Variants in NFIB observed in about 807,000 individuals in gnomAD.
The protein encoded by NFIB is nuclear factor 1 B-type.
Under a neutral mutation model 61.5 loss-of-function variants are expected in NFIB, and 11 were observed. That is an observed-to-expected ratio of 0.18 (90% CI 0.11 to 0.30). The LOEUF (loss-of-function observed/expected upper bound fraction) is 0.30. NFIB is among the 10% of genes least tolerant of loss of function. NFIB has a pLI of 1.00. For synonymous variants in NFIB, 260 were observed against 216.5 expected (o/e 1.20, Z -1.76); for missense variants, 471 against 608.9 (o/e 0.77, Z 2.38).
At chr9:14,213,315 T>C (rs903417928) in intron 2 of NFIB, among the ~76,000 whole-genome samples, 56 of 152,048 alleles carry the variant, frequency 3.7e-4, no homozygotes, top group African/African-American at 1.4e-3. Flanking sequence ...TTTGGAAAGT[T>C]AACGCGGGCC....
the NFIB span, among the ~76,000 whole-genome samples, chr9:14,436,617 A>G: frequency 1.3e-5 from 2 of 152,156 alleles, no homozygotes; most frequent in East Asian, 3.9e-4. Flanking sequence ...AATACCTGTG[A>G]CTCACTACAA....
chr9:14,165,869 C>A (rs573843056), intron 3 of NFIB, among the ~76,000 whole-genome samples: 1 of 152,034 alleles, frequency 6.6e-6, no homozygotes, highest in African/African-American at 2.4e-5. Context: ...GAATGGAGAG[C>A]TGTTATTTAA....
At chr9:14,197,354 G>C (rs1034637319) in intron 2 of NFIB, among the ~76,000 whole-genome samples, 1 of 90,222 alleles carries the variant, frequency 1.1e-5, no homozygotes, top group Non-Finnish European at 2.2e-5. Flanking sequence ...GAATCTGATA[G>C]GATGTCCCTA....
At chr9:14,392,662 T>A (rs886206529) in intron 1 of NFIB, among the ~76,000 whole-genome samples, 4 of 152,148 alleles carry the variant, frequency 2.6e-5, no homozygotes, top group Admixed American at 1.3e-4. Context: ...AGAGGCTGCA[T>A]TGAGCTGTGA....
At chr9:14,172,971 T>C (rs2045740154) in intron 3 of NFIB, among the ~76,000 whole-genome samples, 1 of 152,172 alleles carries the variant, frequency 6.6e-6, no homozygotes, top group African/African-American at 2.4e-5. Flanking sequence ...GGTTTCACTA[T>C]GTTGGCCAGG....
chr9:14,248,875 G>A (rs2055250730), intron 2 of NFIB, among the ~76,000 whole-genome samples: 1 of 152,194 alleles, frequency 6.6e-6, no homozygotes, highest in African/African-American at 2.4e-5. Flanking sequence ...GACCCTCTTT[G>A]CCCGAGAAGT....
chr9:14,269,429 C>A (rs186999485), intron 2 of NFIB, among the ~76,000 whole-genome samples: 1 of 152,254 alleles, frequency 6.6e-6, no homozygotes, highest in South Asian at 2.1e-4. Flanking sequence ...TGCTCCCCGA[C>A]CAGGATTTAG....
At chr9:14,332,601 A>C (rs1394545070) in intron 1 of NFIB, among the ~76,000 whole-genome samples, 2 of 152,198 alleles carry the variant, frequency 1.3e-5, no homozygotes, top group South Asian at 2.1e-4. Context: ...AGTGTCCAAA[A>C]GGTGCTTTGG....
intron 6 of NFIB, among the ~76,000 whole-genome samples, chr9:14,132,140 T>C (rs1406834023): frequency 6.6e-6 from 1 of 152,182 alleles, no homozygotes; most frequent in African/African-American, 2.4e-5. Flanking sequence ...AAGCTATTAT[T>C]TTCAGCAAAC....
At chr9:14,140,205 G>C (rs546994781) in intron 6 of NFIB, among the ~76,000 whole-genome samples, 1 of 152,260 alleles carries the variant, frequency 6.6e-6, no homozygotes, top group African/African-American at 2.4e-5. Flanking sequence ...TTCCAGTATG[G>C]TTACTAAGCT....
chr9:14,265,837 A>C (rs2057155461), intron 2 of NFIB, among the ~76,000 whole-genome samples: 1 of 152,210 alleles, frequency 6.6e-6, no homozygotes, highest in Non-Finnish European at 1.5e-5. Flanking sequence ...GCAATAAGCA[A>C]TTCTAGCATT....
At chr9:14,186,082 C>CAACT (rs1357394893) in intron 2 of NFIB, among the ~76,000 whole-genome samples, 2 of 152,116 alleles carry the variant, frequency 1.3e-5, no homozygotes, top group African/African-American at 2.4e-5. Flanking sequence ...CAGAAAAAGA[C>CAACT]AACTGGAAAA....
intron 1 of NFIB, among the ~76,000 whole-genome samples, chr9:14,340,739 G>T (rs1272822934): frequency 1.3e-5 from 2 of 152,208 alleles, no homozygotes; most frequent in Non-Finnish European, 2.9e-5. Context: ...TATTAATCTG[G>T]TGGTGGTATT....
At chr9:14,428,177 C>T in the NFIB span, among the ~76,000 whole-genome samples, 1 of 151,938 alleles carries the variant, frequency 6.6e-6, no homozygotes, top group Non-Finnish European at 1.5e-5. Context: ...AATTCCTGGG[C>T]TCAAGTAATC....
At chr9:14,177,688 T>A (rs538383865) in intron 3 of NFIB, among the ~76,000 whole-genome samples, 2 of 152,146 alleles carry the variant, frequency 1.3e-5, no homozygotes, top group Non-Finnish European at 2.9e-5. Context: ...TTTCAACTAA[T>A]CATAAAATGT....
Position 14,290,118 on chromosome 9 carries a change from A to G in NFIB, c.562+16871T>C, listed in dbSNP as rs866050617. On this transcript the variant is annotated intron_variant, in intron 2 of 10. Transcript: ENST00000380953. ...TACCAGGAAATTTATACAAGAATCT[A>G]TCATGTCTTTGTACTCTAGGGAAGG... is the stretch of plus-strand genomic sequence containing the variant. Among the ~76,000 whole-genome samples, 12 of 152,092 alleles carry G rather than the reference A, an allele frequency of 7.9e-5. No individual in the cohort carries two copies. The South Asian group carries it at 1.7e-3, about 21-fold the overall frequency.
intron 6 of NFIB, among the ~76,000 whole-genome samples, chr9:14,128,452 C>CT (rs201336595): frequency 0.012 from 1,897 of 152,196 alleles, 41 homozygotes; most frequent in African/African-American, 0.043. Flanking sequence ...AATCCCAACA[C>CT]TTTGGGAGGC....
the NFIB span, among the ~76,000 whole-genome samples, chr9:14,505,993 C>T: frequency 5.5e-4 from 83 of 151,938 alleles, 2 homozygotes; most frequent in Admixed American, 5.4e-3. Context: ...ATTACACAAT[C>T]GTTATAATAC....
At chr9:14,162,406 T>C (rs2044305708) in intron 3 of NFIB, among the ~76,000 whole-genome samples, 1 of 152,140 alleles carries the variant, frequency 6.6e-6, no homozygotes, top group South Asian at 2.1e-4. Flanking sequence ...TTATTGGTGT[T>C]ATATATTACT....
Sources: allele counts gnomAD v4.1 joint callset (sites outside exome capture counted in the v4.1 genomes callset), GRCh38; gene constraint gnomAD v4.1.1; transcripts MANE v1.5; gene names NCBI Gene and HGNC (gene_info 2026-07-23, HGNC 2026-07-21).